The following FOXP2 variants were observed in gnomAD, a reference collection of about 807,000 sequenced individuals.
FOXP2 encodes forkhead box protein P2.
In FOXP2, 12 loss-of-function variants were observed where a neutral mutation model predicts 115.8. That is an observed-to-expected ratio of 0.10 (90% CI 0.07 to 0.17). The LOEUF is 0.17. FOXP2 is among the 10% of genes least tolerant of loss of function. The pLI, the probability that FOXP2 is intolerant of heterozygous loss-of-function variation, is 1.00. For missense variants in FOXP2, 629 were observed against 843.5 expected, an observed-to-expected ratio of 0.75 and a Z score of 3.15; for synonymous variants, 328 against 297.7, an observed-to-expected ratio of 1.10 and a Z score of -1.05.
At chr7:114,312,888 T>C (rs1025510545) in intron 2 of FOXP2, among the ~76,000 whole-genome samples, 21 of 152,078 alleles carry the variant, frequency 1.4e-4, no homozygotes, top group African/African-American at 5.1e-4. Context: ...ATAAATGGCC[T>C]GGGGCAAGAG....
chr7:114,650,136 G>T (rs1210348617), intron 8 of FOXP2, among the ~76,000 whole-genome samples: 3 of 152,030 alleles, frequency 2.0e-5, no homozygotes, highest in African/African-American at 7.2e-5. Context: ...ATTGAATAGG[G>T]CTCTAAGACC....
At chr7:114,246,610 T>A (rs1233227144) in intron 1 of FOXP2, among the ~76,000 whole-genome samples, 1 of 152,094 alleles carries the variant, frequency 6.6e-6, no homozygotes, top group Non-Finnish European at 1.5e-5. Context: ...GGTAACTAAT[T>A]CATTCATTTT....
At chr7:114,487,892 A>G (rs1192999853) in intron 2 of FOXP2, among the ~76,000 whole-genome samples, 1 of 152,112 alleles carries the variant, frequency 6.6e-6, no homozygotes, top group Non-Finnish European at 1.5e-5. Context: ...CTGTCTTCTG[A>G]GCCCTCCAAA....
chr7:114,566,147 T>C (rs544708787), intron 3 of FOXP2, among the ~76,000 whole-genome samples: 172 of 152,284 alleles, frequency 1.1e-3, no homozygotes, highest in Non-Finnish European at 2.3e-3. Context: ...AACAAAACAG[T>C]TGGAGGGGCA....
At position 114,541,742 on chromosome 7, in the gene FOXP2, T is replaced by G. The variant is rs1799674893; in HGVS notation, c.258+7036T>G. On this transcript the variant is annotated intron_variant, in intron 3 of 16. Coordinates refer to ENST00000350908, the MANE Select transcript of FOXP2 (RefSeq NM_014491.4). ...CCATAAATTAAATATGGAAGAACTT[T>G]GCTATCTAGGAGGCCAAATTTTCGC... Among the ~76,000 whole-genome samples, 3 of 151,410 alleles carry G rather than the reference T, an allele frequency of 2.0e-5. No individual in the cohort carries two copies. In the South Asian group the frequency reaches 6.2e-4, roughly 32 times the overall value.
intron 2 of FOXP2, among the ~76,000 whole-genome samples, chr7:114,292,774 A>C (rs1796640107): frequency 6.6e-6 from 1 of 152,204 alleles, no homozygotes; most frequent in Non-Finnish European, 1.5e-5. Context: ...TAGAGATCAC[A>C]GAATGTTGCT....
At chr7:114,498,918 A>C (rs1797443135) in intron 2 of FOXP2, 1 of 718,000 alleles carries the variant, frequency 1.4e-6, no homozygotes, top group Non-Finnish European at 2.6e-6. Flanking sequence ...TTATTTGTTA[A>C]AGTCTTTGGA....
At chr7:114,309,170 A>C (rs1205345981) in intron 2 of FOXP2, among the ~76,000 whole-genome samples, 2 of 152,176 alleles carry the variant, frequency 1.3e-5, no homozygotes, top group Non-Finnish European at 2.9e-5. Flanking sequence ...AAGATTAGAC[A>C]AGTGTATCTC....
rs2068279 is a variant in FOXP2 at position 114,447,452 on chromosome 7, C to T, written c.168+20773C>T. Among the ~76,000 whole-genome samples the T allele has an allele frequency of 6.2e-3, 944 of 152,212 alleles. 6 individuals are homozygous for T. The highest frequency in any genetic ancestry group is 0.013 in the South Asian group (65 of 4,818). On this transcript the variant is annotated intron_variant, in intron 2 of 16. Transcript: ENST00000350908. ...ACTGGGCCACTCCTAAGCTACCTCT[C>T]CTGCCTCATTTCTCCCTTATCTTGT...
rs150361315 is a variant in FOXP2, at chr7:114,690,441, A to T, written c.*515A>T. 180 of 453,822 alleles carry T rather than the reference A, an allele frequency of 4.0e-4. No homozygotes were observed. The highest frequency in any genetic ancestry group is 1.4e-3 in the Middle Eastern group (2 of 1,444). The allele number at this position is 453,822 out of a possible 1,614,324, so 28.1% of individuals were successfully genotyped here. A position where few individuals can be genotyped will look rare whatever the true frequency, so the allele number is the denominator to read the frequency against. On this transcript the variant is annotated 3_prime_UTR_variant, in exon 17 of 17. Coordinates refer to ENST00000350908, the MANE Select transcript of FOXP2 (RefSeq NM_014491.4). ...AGGAGTAGTATCAGAAATTAGTGTC[A>T]CTGCTTGTATCTAGCTGAATTTTAA...
chr7:114,295,159 G>T (rs1238040928), intron 2 of FOXP2, among the ~76,000 whole-genome samples: 1 of 152,142 alleles, frequency 6.6e-6, no homozygotes, highest in Non-Finnish European at 1.5e-5. Context: ...TAACTGGCCT[G>T]CTTTTCAATT....
chr7:114,463,488 A>C (rs925484952), intron 2 of FOXP2, among the ~76,000 whole-genome samples: 1 of 152,208 alleles, frequency 6.6e-6, no homozygotes, highest in African/African-American at 2.4e-5. Flanking sequence ...AAATGGGTAC[A>C]TGTGGCTAAT....
intron 2 of FOXP2, among the ~76,000 whole-genome samples, chr7:114,295,574 A>C (rs1330172513): frequency 2.0e-5 from 3 of 152,212 alleles, no homozygotes; most frequent in Non-Finnish European, 1.5e-5. Context: ...AGGGATGACT[A>C]TGAAACCTCA....
chr7:114,200,561 A>G (rs1009079884), intron 1 of FOXP2, among the ~76,000 whole-genome samples: 1 of 152,180 alleles, frequency 6.6e-6, no homozygotes, highest in African/African-American at 2.4e-5. Context: ...GATTTCTATA[A>G]AACCTAGTTG....
intron 11 of FOXP2, among the ~76,000 whole-genome samples, chr7:114,658,508 GGA>G: frequency 6.6e-6 from 1 of 152,296 alleles, no homozygotes; most frequent in East Asian, 1.9e-4. Flanking sequence ...AGAGATGTCA[GGA>G]TAGCCCATAT....
intron 2 of FOXP2, among the ~76,000 whole-genome samples, chr7:114,303,324 A>G (rs1445514466): frequency 6.6e-6 from 1 of 152,200 alleles, no homozygotes; most frequent in African/African-American, 2.4e-5. Flanking sequence ...GAAGGCAATG[A>G]TATTTACATT....
Position 114,692,495 on chromosome 7 carries a change from G to T in FOXP2, c.*2569G>T, listed in dbSNP as rs905863648. The stretch of plus-strand genomic sequence containing the variant: ...TGCATATTATGTAAAAATGTTGGTG[G>T]ACCCATAAATGACCAGACTTTTTCT... On this transcript the variant is annotated 3_prime_UTR_variant, in exon 17 of 17. Coordinates refer to ENST00000350908, the MANE Select transcript of FOXP2 (RefSeq NM_014491.4). The T allele has an allele frequency of 1.5e-5, 7 of 453,694 alleles. No homozygotes were observed. The highest frequency in any genetic ancestry group is 3.1e-5 in the Non-Finnish European group (7 of 226,638). The allele number at this position is 453,694 out of a possible 1,614,324, so 28.1% of individuals were successfully genotyped here. A position where few individuals can be genotyped will look rare whatever the true frequency, so the allele number is the denominator to read the frequency against.
intron 2 of FOXP2, among the ~76,000 whole-genome samples, chr7:114,517,505 G>A (rs769314932): frequency 1.3e-5 from 2 of 152,178 alleles, no homozygotes; most frequent in Non-Finnish European, 2.9e-5. Context: ...GTGAGATGAG[G>A]GTTCAATTTC....
At chr7:114,319,640 A>AC (rs1395222457) in intron 2 of FOXP2, among the ~76,000 whole-genome samples, 1 of 151,936 alleles carries the variant, frequency 6.6e-6, no homozygotes, top group Non-Finnish European at 1.5e-5. Context: ...GGAAAGACCC[A>AC]CCCCCATGAA....
Sources: gnomAD v4.1 joint callset for allele counts (sites outside exome capture counted in the v4.1 genomes callset) on GRCh38, gnomAD v4.1.1 for gene constraint, MANE v1.5 for transcripts, NCBI Gene and HGNC (gene_info 2026-07-23, HGNC 2026-07-21) for gene names.